Variants in MAT2B observed in about 807,000 individuals in gnomAD.
The protein encoded by MAT2B is methionine adenosyltransferase 2 non-catalytic beta subunit.
In MAT2B, 16 loss-of-function variants were observed where a neutral mutation model predicts 36.1. That is an observed-to-expected ratio of 0.44 (90% CI 0.30 to 0.67). The LOEUF is 0.67. Among genes scored for constraint, MAT2B ranks in the 30% least tolerant of loss-of-function variants. The pLI is 0.09. For synonymous variants in MAT2B, 148 were observed against 136.9 expected, an observed-to-expected ratio of 1.08 and a Z score of -0.57; for missense variants, 332 against 398.2, an observed-to-expected ratio of 0.83 and a Z score of 1.42.
chr5:163,515,766 T>C (rs1437433735), intron 4 of MAT2B, among the ~76,000 whole-genome samples: 2 of 75,756 alleles, frequency 2.6e-5, no homozygotes, highest in Non-Finnish European at 4.8e-5. Context: ...GGTTTTGCCT[T>C]TTTCTTTTTT....
At chr5:163,518,011 G>T (rs968223132) in intron 6 of MAT2B, 182 bp from the exon 7 acceptor site, 47 of 526,178 alleles carry the variant, frequency 8.9e-5, no homozygotes, top group Non-Finnish European at 1.4e-4. Context: ...CCAACACTTT[G>T]GGAGGCTGAC....
In MAT2B at chr5:163,507,195, C is replaced by T. The variant is rs116287787; in HGVS notation, c.63+1446C>T. Among the ~76,000 whole-genome samples the T allele has an allele frequency of 1.9e-3, 291 of 152,292 alleles. 1 individual carries two copies. Among genetic ancestry groups the T allele is most frequent in the African/African-American group, 6.9e-3 (287 of 41,568 alleles). The stretch of plus-strand genomic sequence containing the variant: ...TTACCACTGAAATTTGGGAAAACCA[C>T]ATACTAATAGTATTCCATTCTTTAC... On this transcript the variant is annotated intron_variant, in intron 1 of 6. Transcript: ENST00000321757.
chr5:163,503,455 T>C (rs1476084429), upstream of MAT2B: 4 of 1,606,720 alleles, frequency 2.5e-6, no homozygotes, highest in Non-Finnish European at 3.4e-6. Flanking sequence ...AAATGAAGCA[T>C]TCTAGAGTAA....
At chr5:163,515,814 G>A (rs1373929093) in intron 4 of MAT2B, among the ~76,000 whole-genome samples, 3 of 98,270 alleles carry the variant, frequency 3.1e-5, no homozygotes, top group South Asian at 3.6e-4. Context: ...GGTCTCAGTC[G>A]CCTGGGCTGG....
upstream of MAT2B, among the ~76,000 whole-genome samples, chr5:163,504,414 A>G (rs7726100): frequency 0.034 from 5,107 of 152,300 alleles, 253 homozygotes; most frequent in African/African-American, 0.11. Flanking sequence ...ACGAATAAGG[A>G]AATGAGTTTT....
At chr5:163,508,976 A>G (rs1197848089) in intron 1 of MAT2B, among the ~76,000 whole-genome samples, 1 of 152,052 alleles carries the variant, frequency 6.6e-6, no homozygotes, top group African/African-American at 2.4e-5. Flanking sequence ...ATAAAGTTGC[A>G]TTTTCTCATA....
intron 1 of MAT2B, among the ~76,000 whole-genome samples, chr5:163,509,106 C>T (rs368084253): frequency 6.6e-6 from 1 of 152,106 alleles, no homozygotes; most frequent in South Asian, 2.1e-4. Context: ...CATCTGGGCT[C>T]TTAAGTTGCA....
intron 5 of MAT2B, 125 bp from the exon 6 acceptor site, chr5:163,517,436 C>T: frequency 5.7e-6 from 3 of 527,318 alleles, no homozygotes; most frequent in Non-Finnish European, 1.1e-5. Flanking sequence ...TTGTGGAGAC[C>T]TTTCCAGAAA....
rs1760152779 is a variant in MAT2B at position 163,517,565 on chromosome 5, C to T, written c.725C>T (p.Pro242Leu). 1.9e-6 allele frequency: 3 copies of T among 1,580,874 alleles called. No individual in the cohort carries two copies. The highest frequency in any genetic ancestry group is 4.5e-5 in the East Asian group (2 of 44,686). The change falls in exon 6 of 7, where the codon CCA becomes CTA. Residue 242 changes from proline to leucine, a missense_variant. Transcript: ENST00000321757. Reference sequence around the variant, plus strand: ...TTATTGTGTCATCGTTCTTAGGATCCATCAATTAAGGGAACCTTTCACTGG... The same window carrying T: ...TTATTGTGTCATCGTTCTTAGGATCTATCAATTAAGGGAACCTTTCACTGG... ...RQLAEKRMLDPSIKGTFHWSG... is the reference protein window; with the variant it reads ...RQLAEKRMLDLSIKGTFHWSG...
chr5:163,515,014 C>T lies in MAT2B; in HGVS notation c.526+1020C>T, dbSNP rs192542456. Reference sequence around the variant, plus strand: ...GGAGGGGAGGAATGCTGTGTTCTCACGGCAGAAGAGCAGAAAGGGATGTGC... The same window carrying T: ...GGAGGGGAGGAATGCTGTGTTCTCATGGCAGAAGAGCAGAAAGGGATGTGC... On this transcript the variant is annotated intron_variant, in intron 4 of 6. Transcript: ENST00000321757. 8.5e-5 allele frequency among the ~76,000 whole-genome samples: 13 copies of T among 152,200 alleles called. No individual in the cohort carries two copies. In the East Asian group the frequency reaches 9.7e-4, roughly 11 times the overall value.
At chr5:163,514,501 G>C (rs1191078853) in intron 4 of MAT2B, among the ~76,000 whole-genome samples, 1 of 152,076 alleles carries the variant, frequency 6.6e-6, no homozygotes, top group East Asian at 1.9e-4. Flanking sequence ...AAATTACTAA[G>C]AACAAAAGTT....
chr5:163,510,880 TGAAA>T (rs1337432406), intron 1 of MAT2B, among the ~76,000 whole-genome samples: 1 of 152,200 alleles, frequency 6.6e-6, no homozygotes. Context: ...TATTGAGACT[TGAAA>T]GAACATTTGG....
Position 163,518,534 on chromosome 5 carries a change from G to A in MAT2B, c.*171G>A, listed in dbSNP as rs775098173. 1.9e-5 allele frequency: 9 copies of A among 485,176 alleles called. No homozygotes were observed. Among genetic ancestry groups the A allele is most frequent in the African/African-American group, 6.0e-5 (3 of 49,760 alleles). The allele number at this position is 485,176 out of a possible 1,614,324, so 30.1% of individuals were successfully genotyped here. On this transcript the variant is annotated 3_prime_UTR_variant, in exon 7 of 7. Coordinates refer to ENST00000321757, the MANE Select transcript of MAT2B (RefSeq NM_013283.5). Reference sequence around the variant, plus strand: ...AATTGTCTAAAGAAACTAAAGGGCAGTCATGCCCTGTTTGCAGTAATTTTT... The same window carrying A: ...AATTGTCTAAAGAAACTAAAGGGCAATCATGCCCTGTTTGCAGTAATTTTT...
At chr5:163,505,612 C>T, upstream of MAT2B, 1 of 1,249,346 alleles carries the variant, frequency 8.0e-7, no homozygotes, top group Non-Finnish European at 1.0e-6. Context: ...CCGAGGGCGT[C>T]TGAGCTGAGG....
chr5:163,511,002 A>G (rs969232192), intron 1 of MAT2B, among the ~76,000 whole-genome samples: 11 of 152,332 alleles, frequency 7.2e-5, no homozygotes, highest in East Asian at 1.9e-4. Flanking sequence ...GTTTCTCTCT[A>G]GAGACTCAAA....
At position 163,507,737 on chromosome 5, in the gene MAT2B, C is replaced by G. The variant is rs1759969295; in HGVS notation, c.63+1988C>G. ...ATATTTCTTTTTCTAAAGAACGAAC[C>G]AAAAAGCCTCAACAAAACAGTGTAA... On this transcript the variant is annotated intron_variant, in intron 1 of 6. Coordinates refer to ENST00000321757, the MANE Select transcript of MAT2B (RefSeq NM_013283.5). Among the ~76,000 whole-genome samples the G allele has an allele frequency of 2.0e-5, 3 of 152,068 alleles. No homozygotes were observed. The South Asian group carries it at 6.2e-4, about 31-fold the overall frequency.
upstream of MAT2B, among the ~76,000 whole-genome samples, chr5:163,505,269 T>G (rs1759908053): frequency 2.6e-5 from 4 of 152,078 alleles, no homozygotes; most frequent in Admixed American, 1.3e-4. Flanking sequence ...ACTTTTTATA[T>G]TGCTCAGTCG....
intron 5 of MAT2B, 89 bp downstream of exon 5, chr5:163,516,800 T>C (rs1348662931): frequency 6.3e-6 from 9 of 1,433,882 alleles, no homozygotes; most frequent in African/African-American, 1.4e-5. Flanking sequence ...GGAGTGTTAC[T>C]GAGTGAAAGC....
In MAT2B at chr5:163,513,899, A is replaced by G. The variant is rs1215126230; in HGVS notation, c.431A>G (p.Asn144Ser). 1 of 1,613,460 alleles carries G rather than the reference A, an allele frequency of 6.2e-7. No individual in the cohort carries two copies. Among genetic ancestry groups the G allele is most frequent in the Non-Finnish European group, 8.5e-7 (1 of 1,179,684 alleles). The change falls in exon 4 of 7, where the codon AAT becomes AGT. Residue 144 changes from asparagine (N) to serine (S), a missense_variant. By Grantham distance (46) the Asn-to-Ser change is conservative. Transcript: ENST00000321757. Reference protein sequence around the residue: ...ISSDYVFDGTNPPYREEDIPA... With the variant: ...ISSDYVFDGTSPPYREEDIPA... The stretch of plus-strand genomic sequence containing the variant: ...TCAGATTATGTATTTGATGGAACAA[A>G]TCCACCTTACAGAGAGGAAGACATA...
Sources: allele counts gnomAD v4.1 joint callset (sites outside exome capture counted in the v4.1 genomes callset), GRCh38; gene constraint gnomAD v4.1.1; transcripts MANE v1.5; gene names NCBI Gene and HGNC (gene_info 2026-07-23, HGNC 2026-07-21).